PPFIA2: variants seen among roughly 807,000 people sequenced by gnomAD.
The protein encoded by PPFIA2 is liprin-alpha-2.
Under a neutral mutation model 175.5 loss-of-function variants are expected in PPFIA2, and 46 were observed. The ratio of observed to expected loss-of-function variants is 0.26; its 90% CI spans 0.21 to 0.34. The LOEUF is 0.34. Ranked by LOEUF, PPFIA2 falls within the 10% of genes least tolerant of loss-of-function variation. PPFIA2 has a pLI of 1.00. For missense variants in PPFIA2, 1,179 were observed against 1,506.1 expected, an observed-to-expected ratio of 0.78 and a Z score of 3.60; for synonymous variants, 568 against 511.4, an observed-to-expected ratio of 1.11 and a Z score of -1.49.
rs746764250 is a variant in PPFIA2 at position 81,676,855 on chromosome 12, G to C, written c.250-11C>G. On this transcript the variant is annotated splice_polypyrimidine_tract_variant and intron_variant, in intron 3 of 32. Coordinates refer to ENST00000549396, the MANE Select transcript of PPFIA2 (RefSeq NM_003625.5). ...TAGGGATTCGATATCCTGAAAAGGGGAGAGGTGTTGATTGTAAAGTGCTAC... is the reference window on the plus strand; with the variant it reads ...TAGGGATTCGATATCCTGAAAAGGGCAGAGGTGTTGATTGTAAAGTGCTAC... 5.1e-6 allele frequency: 8 copies of C among 1,575,022 alleles called. No individual in the cohort carries two copies. In the South Asian group the frequency reaches 9.4e-5, roughly 19 times the overall value.
intron 4 of PPFIA2, among the ~76,000 whole-genome samples, chr12:81,586,331 A>G (rs1366046204): frequency 6.6e-6 from 1 of 151,948 alleles, no homozygotes; most frequent in Non-Finnish European, 1.5e-5. Flanking sequence ...ATAACTTAAA[A>G]TATCAGTTTG....
intron 16 of PPFIA2, among the ~76,000 whole-genome samples, chr12:81,354,185 A>C (rs1350295318): frequency 6.6e-6 from 1 of 152,190 alleles, no homozygotes; most frequent in Non-Finnish European, 1.5e-5. Flanking sequence ...TAAACATAAG[A>C]CAACAATGAA....
intron 3 of PPFIA2, among the ~76,000 whole-genome samples, chr12:81,699,372 T>C (rs1290762924): frequency 6.6e-6 from 1 of 151,874 alleles, no homozygotes; most frequent in Non-Finnish European, 1.5e-5. Context: ...ATGATTTCAA[T>C]ATTGTACAAT....
At chr12:81,707,064 A>C (rs1159108919) in intron 3 of PPFIA2, among the ~76,000 whole-genome samples, 1 of 152,196 alleles carries the variant, frequency 6.6e-6, no homozygotes, top group Non-Finnish European at 1.5e-5. Context: ...AAATCATAAA[A>C]ACCCTAGAAA....
At chr12:81,535,308 T>G (rs2065216946) in intron 4 of PPFIA2, 1 of 441,378 alleles carries the variant, frequency 2.3e-6, no homozygotes. Flanking sequence ...GAGGACTGGA[T>G]TCAGGAAAAG....
chr12:81,368,066 T>C (rs1186081683), intron 13 of PPFIA2: 1 of 1,250,508 alleles, frequency 8.0e-7, no homozygotes, highest in South Asian at 1.2e-5. Flanking sequence ...AATCTAGATT[T>C]CTAAAATGAT....
At chr12:81,610,087 C>T (rs2060734221) in intron 4 of PPFIA2, among the ~76,000 whole-genome samples, 1 of 152,150 alleles carries the variant, frequency 6.6e-6, no homozygotes, top group Non-Finnish European at 1.5e-5. Flanking sequence ...ACACTGATAA[C>T]AGTCTCCCTA....
chr12:81,283,780 A>G (rs1447750415), intron 25 of PPFIA2, among the ~76,000 whole-genome samples: 1 of 152,102 alleles, frequency 6.6e-6, no homozygotes, highest in Non-Finnish European at 1.5e-5. Context: ...CCAAATTAAC[A>G]TAACACTTTT....
intron 3 of PPFIA2, among the ~76,000 whole-genome samples, chr12:81,743,365 C>T (rs985566145): frequency 1.7e-5 from 2 of 120,546 alleles, no homozygotes; most frequent in East Asian, 2.6e-4. Context: ...TGCAGTGAGC[C>T]GAGATTGTGC....
chr12:81,683,640 T>A (rs1223380002), intron 3 of PPFIA2, among the ~76,000 whole-genome samples: 1 of 152,066 alleles, frequency 6.6e-6, no homozygotes. Context: ...GTCCTTATTA[T>A]TCCAAAAAAT....
chr12:81,619,179 C>G (rs117233319), intron 4 of PPFIA2, among the ~76,000 whole-genome samples: 1 of 152,088 alleles, frequency 6.6e-6, no homozygotes, highest in Non-Finnish European at 1.5e-5. Flanking sequence ...GTAAAACATC[C>G]GTCTCTGGTA....
chr12:81,399,287 T>C (rs1376379192), intron 8 of PPFIA2, among the ~76,000 whole-genome samples: 2 of 82,230 alleles, frequency 2.4e-5, no homozygotes, highest in Non-Finnish European at 4.2e-5. Flanking sequence ...ATATCCTTCT[T>C]CACAAAAAAA....
chr12:81,264,815 C>T (rs2036711460), intron 30 of PPFIA2, among the ~76,000 whole-genome samples: 1 of 152,148 alleles, frequency 6.6e-6, no homozygotes, highest in African/African-American at 2.4e-5. Flanking sequence ...TTTCATTGCC[C>T]TAGATCTCCA....
chr12:81,298,127 A>G (rs1280333624), intron 23 of PPFIA2: 1 of 152,184 alleles, frequency 6.6e-6, no homozygotes, highest in Non-Finnish European at 1.5e-5. Context: ...ATTTTATCGG[A>G]GCAAAAACTG....
At chr12:81,481,942 G>T (rs2058281681) in intron 4 of PPFIA2, among the ~76,000 whole-genome samples, 2 of 152,144 alleles carry the variant, frequency 1.3e-5, no homozygotes. Flanking sequence ...ACTATCATCA[G>T]AGTGAAAAGG....
chr12:81,425,127 T>C (rs1484724467), intron 7 of PPFIA2, among the ~76,000 whole-genome samples: 9 of 152,180 alleles, frequency 5.9e-5, no homozygotes, highest in Non-Finnish European at 2.9e-5. Flanking sequence ...TTAAAGGTGA[T>C]TAGATAATCG....
At chr12:81,587,372 G>A (rs1313513562) in intron 4 of PPFIA2, among the ~76,000 whole-genome samples, 2 of 151,826 alleles carry the variant, frequency 1.3e-5, no homozygotes, top group African/African-American at 4.8e-5. Context: ...CTTGTAAGAC[G>A]TGCCTTCTTC....
intron 11 of PPFIA2, among the ~76,000 whole-genome samples, chr12:81,371,924 C>CAA (rs2035225003): frequency 7.0e-6 from 1 of 142,730 alleles, no homozygotes; most frequent in Admixed American, 8.5e-5. Context: ...CACACACACA[C>CAA]ACAAACACAC....
At chr12:81,554,883 G>A (rs962896483) in intron 4 of PPFIA2, among the ~76,000 whole-genome samples, 6 of 152,000 alleles carry the variant, frequency 3.9e-5, no homozygotes, top group Admixed American at 6.6e-5. Flanking sequence ...TCAGTACCAT[G>A]TGAGATCATT....
Sources: gnomAD v4.1 joint callset for allele counts (sites outside exome capture counted in the v4.1 genomes callset) on GRCh38, gnomAD v4.1.1 for gene constraint, MANE v1.5 for transcripts, NCBI Gene and HGNC (gene_info 2026-07-23, HGNC 2026-07-21) for gene names.